The following C10orf90 variants were observed in gnomAD, a reference collection of about 807,000 sequenced individuals.
C10orf90 encodes chromosome 10 open reading frame 90, also known as (E2-independent) E3 ubiquitin-conjugating enzyme FATS.
A neutral mutation model predicts 62.5 loss-of-function variants in C10orf90; 56 were observed. The observed-to-expected ratio is 0.90, with a 90% CI of 0.72 to 1.12. C10orf90 has a LOEUF of 1.12. Among genes scored for constraint, C10orf90 ranks in the 50% most tolerant of loss-of-function variants. C10orf90 has a pLI of 0.00. For missense variants in C10orf90, 970 were observed against 880.4 expected (o/e 1.10, Z -1.29); for synonymous variants, 386 against 340.4 (o/e 1.13, Z -1.47).
At chr10:126,609,611 C>A (rs982001220) in intron 2 of C10orf90, among the ~76,000 whole-genome samples, 1 of 152,184 alleles carries the variant, frequency 6.6e-6, no homozygotes. Flanking sequence ...CAGTGAACCA[C>A]ATGAAGAAGT....
At chr10:126,429,761 T>C (rs997821345) in intron 8 of C10orf90, 26 bp downstream of exon 8, 1 of 1,610,552 alleles carries the variant, frequency 6.2e-7, no homozygotes, top group Non-Finnish European at 8.5e-7. Context: ...ACCAACTTCT[T>C]TGCACACCAT....
intron 2 of C10orf90, among the ~76,000 whole-genome samples, chr10:126,638,079 C>T (rs139699203): frequency 3.9e-5 from 6 of 152,280 alleles, no homozygotes; most frequent in South Asian, 2.1e-4. Flanking sequence ...ACAGCGGTGT[C>T]GTTGCTGACA....
intron 4 of C10orf90, among the ~76,000 whole-genome samples, chr10:126,488,506 T>A (rs780837018): frequency 4.0e-5 from 6 of 151,636 alleles, no homozygotes; most frequent in Non-Finnish European, 8.8e-5. Context: ...ATAAGAAAGC[T>A]AAAAGCAGAA....
At chr10:126,503,816 T>C (rs1427110964) in intron 4 of C10orf90, 141 bp downstream of exon 4, 16 of 1,042,916 alleles carry the variant, frequency 1.5e-5, no homozygotes, top group Admixed American at 3.1e-5. Flanking sequence ...CTATCAGTTG[T>C]CAACTATGAG....
chr10:126,571,284 C>A (rs375536114), intron 2 of C10orf90, among the ~76,000 whole-genome samples: 22 of 152,310 alleles, frequency 1.4e-4, no homozygotes, highest in African/African-American at 5.0e-4. Flanking sequence ...CGGCAGGGGG[C>A]TCCCACAAAC....
chr10:126,544,193 C>G (rs562052701), intron 2 of C10orf90, among the ~76,000 whole-genome samples: 1 of 152,276 alleles, frequency 6.6e-6, no homozygotes, highest in Admixed American at 6.5e-5. Flanking sequence ...TGGACCTGGC[C>G]CAGGGGCCCC....
chr10:126,525,583 C>T (rs1863915052), intron 2 of C10orf90, among the ~76,000 whole-genome samples: 1 of 152,140 alleles, frequency 6.6e-6, no homozygotes, highest in Admixed American at 6.5e-5. Context: ...AGTTGTAAAT[C>T]TCTCATTATA....
chr10:126,468,858 G>T (rs768650560), intron 4 of C10orf90, among the ~76,000 whole-genome samples: 26 of 152,052 alleles, frequency 1.7e-4, no homozygotes, highest in Non-Finnish European at 3.2e-4. Context: ...GAAAAAGATG[G>T]GTCTCTTTCA....
chr10:126,605,658 G>C (rs1188164502), intron 2 of C10orf90, among the ~76,000 whole-genome samples: 1 of 152,052 alleles, frequency 6.6e-6, no homozygotes, highest in African/African-American at 2.4e-5. Flanking sequence ...TCTCCCGCTG[G>C]TGCCGTGAAG....
chr10:126,592,956 A>G (rs761009129), intron 2 of C10orf90, among the ~76,000 whole-genome samples: 3 of 152,236 alleles, frequency 2.0e-5, no homozygotes, highest in Non-Finnish European at 4.4e-5. Context: ...TTCACTGATC[A>G]TTAGAAATGC....
intron 1 of C10orf90, 143 bp from the exon 2 acceptor site, chr10:126,646,780 G>C: frequency 4.6e-6 from 1 of 218,318 alleles, no homozygotes; most frequent in South Asian, 5.3e-5. Flanking sequence ...ATTGTAATGA[G>C]GACTTACTTC....
At chr10:126,669,783 C>T (rs1265384386) in intron 1 of C10orf90, among the ~76,000 whole-genome samples, 1 of 151,396 alleles carries the variant, frequency 6.6e-6, no homozygotes, top group Non-Finnish European at 1.5e-5. Flanking sequence ...TCTTACTGGC[C>T]TAACTTGAAT....
chr10:126,481,203 C>T (rs1015939842), intron 4 of C10orf90, among the ~76,000 whole-genome samples: 1 of 152,232 alleles, frequency 6.6e-6, no homozygotes, highest in African/African-American at 2.4e-5. Flanking sequence ...TCTAAAGGAG[C>T]CAATGAGTAG....
intron 2 of C10orf90, among the ~76,000 whole-genome samples, chr10:126,602,189 C>A (rs765060523): frequency 6.6e-6 from 1 of 152,164 alleles, no homozygotes; most frequent in Admixed American, 6.5e-5. Context: ...CATCTCTAAG[C>A]GAGCTATTAT....
At chr10:126,638,572 C>T (rs372035575) in intron 2 of C10orf90, among the ~76,000 whole-genome samples, 12 of 152,158 alleles carry the variant, frequency 7.9e-5, no homozygotes, top group African/African-American at 2.9e-4. Context: ...CCCTGCCAGG[C>T]CCTCCTGGTG....
At chr10:126,631,241 C>T (rs183719426) in intron 2 of C10orf90, among the ~76,000 whole-genome samples, 2 of 152,278 alleles carry the variant, frequency 1.3e-5, no homozygotes, top group Admixed American at 1.3e-4. Flanking sequence ...GTTACCTCAG[C>T]CCTCCTCCTT....
chr10:126,541,576 G>A (rs555537655), intron 2 of C10orf90, among the ~76,000 whole-genome samples: 11 of 152,196 alleles, frequency 7.2e-5, no homozygotes, highest in African/African-American at 2.6e-4. Context: ...TATGTGAATG[G>A]CCAAAAAGCA....
chr10:126,480,314 G>C (rs1861103661), intron 4 of C10orf90, among the ~76,000 whole-genome samples: 1 of 152,204 alleles, frequency 6.6e-6, no homozygotes, highest in South Asian at 2.1e-4. Context: ...AAAAGCAACT[G>C]AAAATAAAGC....
chr10:126,546,840 C>A (rs1864503916), intron 2 of C10orf90, among the ~76,000 whole-genome samples: 1 of 152,206 alleles, frequency 6.6e-6, no homozygotes, highest in South Asian at 2.1e-4. Flanking sequence ...AATCATTCAT[C>A]ACCACCAGGT....
Sources: gnomAD v4.1 joint callset for allele counts (sites outside exome capture counted in the v4.1 genomes callset) on GRCh38, gnomAD v4.1.1 for gene constraint, MANE v1.5 for transcripts, NCBI Gene and HGNC (gene_info 2026-07-23, HGNC 2026-07-21) for gene names.